The following CDK10 variants were observed in gnomAD, a reference collection of about 807,000 sequenced individuals.
CDK10 encodes cyclin dependent kinase 10.
CDK10 carries 55 observed loss-of-function variants against 51.0 expected under a neutral mutation model. The observed-to-expected ratio is 1.08, with a 90% CI of 0.87 to 1.35. The LOEUF is 1.35. Among genes scored for constraint, CDK10 ranks in the 40% most tolerant of loss-of-function variants. The probability of loss-of-function intolerance (pLI) is 0.00; values close to 1 mark genes in which losing one functional copy is unlikely to be tolerated. For synonymous variants in CDK10, 255 were observed against 199.1 expected (o/e 1.28, Z -2.36); for missense variants, 589 against 485.1 (o/e 1.21, Z -2.01).
chr16:89,694,469 C>A, intron 9 of CDK10, 196 bp from the exon 10 acceptor site: 1 of 997,592 alleles, frequency 1.0e-6, no homozygotes. Context: ...CCTGCCCCTG[C>A]ACTTGTCACC....
In CDK10 at chr16:89,695,838, C is replaced by T; in HGVS notation, c.*146C>T. Reference sequence around the variant, plus strand: ...AACATCCTCCACTGACTTCCTCCCACTGTCTGCCCTGAACCCACTGCTGCC... The same window carrying T: ...AACATCCTCCACTGACTTCCTCCCATTGTCTGCCCTGAACCCACTGCTGCC... On this transcript the variant is annotated 3_prime_UTR_variant, in exon 13 of 13. Coordinates refer to ENST00000353379, the MANE Select transcript of CDK10 (RefSeq NM_052988.5). 3 of 1,521,454 alleles carry T rather than the reference C, an allele frequency of 2.0e-6. No individual in the cohort carries two copies. Among genetic ancestry groups the T allele is most frequent in the Non-Finnish European group, 2.7e-6 (3 of 1,130,900 alleles). The allele number at this position is 1,521,454 out of a possible 1,614,324, so 94.2% of individuals were successfully genotyped here.
In CDK10 at chr16:89,695,734, C is replaced by A; in HGVS notation, c.*42C>A. 6.3e-7 allele frequency: 1 copy of A among 1,590,996 alleles called. No individual in the cohort carries two copies. The highest frequency in any genetic ancestry group is 8.5e-7 in the Non-Finnish European group (1 of 1,171,334). On this transcript the variant is annotated 3_prime_UTR_variant, in exon 13 of 13. Coordinates refer to ENST00000353379, the MANE Select transcript of CDK10 (RefSeq NM_052988.5). ...CGCCTGTATTCCCACACCAGGTCTTCCGATCAGTGGTGTCTGTGAAGGGTG... is the reference window on the plus strand; with the variant it reads ...CGCCTGTATTCCCACACCAGGTCTTACGATCAGTGGTGTCTGTGAAGGGTG...
chr16:89,692,540 G>A lies in CDK10; in HGVS notation c.485+24G>A, dbSNP rs1337451902. 6.4e-6 allele frequency: 10 copies of A among 1,554,192 alleles called. No individual in the cohort carries two copies. The East Asian group carries it at 1.9e-4, about 30-fold the overall frequency. The stretch of plus-strand genomic sequence containing the variant: ...AGGTGGGTGACAGCTAGGCAGAGTT[G>A]GAAGCACAAATTCGGCTGAGGCCTA... On this transcript the variant is annotated intron_variant, in intron 6 of 12. Coordinates refer to ENST00000353379, the MANE Select transcript of CDK10 (RefSeq NM_052988.5).
Position 89,695,815 on chromosome 16 carries a change from C to T in CDK10, c.*123C>T. 1 of 1,548,580 alleles carries T rather than the reference C, an allele frequency of 6.5e-7. No homozygotes were observed. Among genetic ancestry groups the T allele is most frequent in the Non-Finnish European group, 8.7e-7 (1 of 1,149,904 alleles). ...TCCAGCTCATCCCCTTGGCTGGGAA[C>T]ATCCTCCACTGACTTCCTCCCACTG... On this transcript the variant is annotated 3_prime_UTR_variant, in exon 13 of 13. Transcript: ENST00000353379.
At chr16:89,689,517 G>A (rs1289490215) in intron 2 of CDK10, 193 bp downstream of exon 2, 8 of 591,434 alleles carry the variant, frequency 1.4e-5, no homozygotes, top group South Asian at 2.0e-5. Context: ...CTGGGTAAAC[G>A]TAAGCATCCG....
chr16:89,691,753 T>C (rs2060459884), intron 4 of CDK10, 53 bp from the exon 5 acceptor site: 3 of 1,542,586 alleles, frequency 1.9e-6, no homozygotes, highest in African/African-American at 2.7e-5. Flanking sequence ...AGGCTCCACT[T>C]CCACCCCTTA....
intron 1 of CDK10, among the ~76,000 whole-genome samples, 189 bp from the exon 2 acceptor site, chr16:89,689,063 G>A (rs924717070): frequency 2.0e-5 from 3 of 150,988 alleles, no homozygotes; most frequent in African/African-American, 7.4e-5. Context: ...TCTTGCCACT[G>A]CACTCCAGCC....
chr16:89,691,973 A>G (rs1377481693), intron 5 of CDK10, 86 bp downstream of exon 5: 1 of 1,098,826 alleles, frequency 9.1e-7, no homozygotes, highest in African/African-American at 1.6e-5. Flanking sequence ...GCACTTGGGG[A>G]CTTGAAGAGC....
intron 2 of CDK10, 84 bp from the exon 3 acceptor site, chr16:89,690,469 G>C: frequency 8.4e-7 from 1 of 1,189,812 alleles, no homozygotes; most frequent in South Asian, 1.2e-5. Flanking sequence ...GACCCCTGTG[G>C]CTCAGGGAGA....
Position 89,695,324 on chromosome 16 carries a change from T to G in CDK10, c.964T>G (p.Tyr322Asp). Residue 322 changes from tyrosine to aspartate, a missense_variant, in exon 12 of 13, where the codon TAT (tyrosine) becomes GAT (aspartate). By Grantham distance (160) the Tyr-to-Asp change is radical. Coordinates refer to ENST00000353379, the MANE Select transcript of CDK10 (RefSeq NM_052988.5). ...ATAGDCLESS[Y>D]FKEKPLPCEP... Reference sequence around the variant, plus strand: ...GGCCGGGGACTGCCTGGAGAGCTCCTATTTCAAGGAGAAGCCCCTACGTGA... The same window carrying G: ...GGCCGGGGACTGCCTGGAGAGCTCCGATTTCAAGGAGAAGCCCCTACGTGA... 6.2e-7 allele frequency: 1 copy of G among 1,612,466 alleles called. No individual in the cohort carries two copies. The highest frequency in any genetic ancestry group is 1.3e-5 in the African/African-American group (1 of 75,032).
In CDK10 at chr16:89,695,022, C is replaced by G. The variant is rs1597876544; in HGVS notation, c.884C>G (p.Ala295Gly). Residue 295 changes from alanine (A) to glycine (G), a missense_variant, in exon 11 of 13, where the codon GCC becomes GGC. Coordinates refer to ENST00000353379, the MANE Select transcript of CDK10 (RefSeq NM_052988.5). Reference protein sequence around the residue: ...LKHKFPWLSEAGLRLLHFLFM... With the variant: ...LKHKFPWLSEGGLRLLHFLFM... ...CACAAGTTCCCATGGCTGTCGGAGG[C>G]CGGGCTGCGCCTGCTGCACTTCCTG... The G allele has an allele frequency of 1.2e-6, 2 of 1,613,250 alleles. No individual in the cohort carries two copies. Among genetic ancestry groups the G allele is most frequent in the Non-Finnish European group, 1.7e-6 (2 of 1,180,016 alleles).
chr16:89,691,249 C>G (rs987744001), intron 3 of CDK10, among the ~76,000 whole-genome samples, 194 bp from the exon 4 acceptor site: 1 of 152,000 alleles, frequency 6.6e-6, no homozygotes, highest in Admixed American at 6.6e-5. Flanking sequence ...GGTGCCATTG[C>G]ACTCCAGCCT....
At chr16:89,690,380 A>C in intron 2 of CDK10, 173 bp from the exon 3 acceptor site, 6 of 624,354 alleles carry the variant, frequency 9.6e-6, no homozygotes, top group Non-Finnish European at 1.5e-5. Flanking sequence ...CTCCGGGGGA[A>C]CGCGTCTCGG....
Position 89,695,873 on chromosome 16 carries a change from A to T in CDK10, c.*181A>T. 2 of 1,410,172 alleles carry T rather than the reference A, an allele frequency of 1.4e-6. No individual in the cohort carries two copies. Among genetic ancestry groups the T allele is most frequent in the South Asian group, 1.2e-5 (1 of 81,108 alleles). 87.4% of individuals were successfully genotyped at this position (1,410,172 alleles called of 1,614,324 possible). ...TGAACCCACTGCTGCCCCCAGAAAA[A>T]GGCCGGGTGACACCGGGGGGCTCCC... On this transcript the variant is annotated 3_prime_UTR_variant, in exon 13 of 13. Coordinates refer to ENST00000353379, the MANE Select transcript of CDK10 (RefSeq NM_052988.5).
rs164744 is a variant in CDK10 at position 89,690,360 on chromosome 16, T to A, written c.161-193T>A. On this transcript the variant is annotated intron_variant, in intron 2 of 12. Coordinates refer to ENST00000353379, the MANE Select transcript of CDK10 (RefSeq NM_052988.5). The stretch of plus-strand genomic sequence containing the variant: ...TTGGGCACCCCCTGCCCAGTTCAAA[T>A]GAGGAAACCCTCCGGGGGAACGCGT... 1.3e-5 allele frequency: 8 copies of A among 604,134 alleles called. No individual in the cohort carries two copies. The East Asian group carries it at 2.3e-4, about 17-fold the overall frequency. The allele number at this position is 604,134 out of a possible 1,614,324, so 37.4% of individuals were successfully genotyped here. A position where few individuals can be genotyped will look rare whatever the true frequency, so the allele number is the denominator to read the frequency against.
intron 10 of CDK10, 33 bp from the exon 11 acceptor site, chr16:89,694,898 C>T (rs374983102): frequency 2.8e-6 from 4 of 1,442,436 alleles, no homozygotes; most frequent in African/African-American, 3.0e-5. Context: ...CCCGTGCCCA[C>T]GCCCTCTGCG....
At position 89,695,704 on chromosome 16, in the gene CDK10, GCA is replaced by G; in HGVS notation, c.*16_*17del. 1 of 1,590,900 alleles carries G rather than the reference GCA, an allele frequency of 6.3e-7. No homozygotes were observed. ...GCTGTAAACCCTGACGGTGGGCCTG[GCA>G]CACGCCTGTATTCCCACACCAGGTC... On this transcript the variant is annotated 3_prime_UTR_variant, in exon 13 of 13. Transcript: ENST00000353379.
intron 3 of CDK10, 120 bp downstream of exon 3, chr16:89,690,744 G>C: frequency 1.1e-6 from 1 of 873,068 alleles, no homozygotes; most frequent in African/African-American, 1.6e-5. Flanking sequence ...CCTCTGGGAG[G>C]GTTCTGGTGT....
chr16:89,693,843 A>G, intron 8 of CDK10: 1 of 551,044 alleles, frequency 1.8e-6, no homozygotes, highest in Non-Finnish European at 3.3e-6. Flanking sequence ...ATGCTTAGCC[A>G]GGGCTGAATA....
Sources: gnomAD v4.1 joint callset for allele counts (sites outside exome capture counted in the v4.1 genomes callset) on GRCh38, gnomAD v4.1.1 for gene constraint, MANE v1.5 for transcripts, NCBI Gene and HGNC (gene_info 2026-07-23, HGNC 2026-07-21) for gene names.